LINGO2: variants seen among roughly 807,000 people sequenced by gnomAD.
LINGO2 encodes the protein leucine-rich repeat and immunoglobulin-like domain-containing nogo receptor-interacting protein 2.
In LINGO2, 14 loss-of-function variants were observed where a neutral mutation model predicts 30.6. That is an observed-to-expected ratio of 0.46 (90% CI 0.30 to 0.72). The LOEUF is 0.72. Ranked by LOEUF, LINGO2 falls within the 30% of genes least tolerant of loss-of-function variation. The pLI is 0.07. For synonymous variants in LINGO2, 317 were observed against 288.5 expected (o/e 1.10, Z -1.00); for missense variants, 729 against 751.7 (o/e 0.97, Z 0.35).
chr9:28,797,359 T>TATATATATATATATAGAG, the LINGO2 span, among the ~76,000 whole-genome samples: 12 of 34,210 alleles, frequency 3.5e-4, no homozygotes, highest in Non-Finnish European at 6.0e-4. Context: ...TATATATATA[T>TATATATATATATATAGAG]AGAGAGAGAG....
the LINGO2 span, among the ~76,000 whole-genome samples, chr9:28,814,717 C>G: frequency 2.6e-5 from 4 of 152,152 alleles, no homozygotes; most frequent in Admixed American, 6.5e-5. Flanking sequence ...GAAACCCTGT[C>G]TCTACTAAAA....
the LINGO2 span, among the ~76,000 whole-genome samples, chr9:28,912,975 C>T: frequency 8.6e-5 from 13 of 152,036 alleles, no homozygotes; most frequent in Non-Finnish European, 1.5e-4. Context: ...CTCTCATTTC[C>T]TTCTGGCACA....
the LINGO2 span, among the ~76,000 whole-genome samples, chr9:28,700,689 T>C: frequency 1.2e-4 from 19 of 152,066 alleles, no homozygotes; most frequent in Non-Finnish European, 1.8e-4. Context: ...TGCTGGATTG[T>C]ATGGTAAGAT....
chr9:28,351,486 G>T (rs560485792), intron 3 of LINGO2, among the ~76,000 whole-genome samples: 4 of 151,166 alleles, frequency 2.6e-5, no homozygotes, highest in East Asian at 1.9e-4. Flanking sequence ...AATAACAGGA[G>T]CTGAAATTGT....
At chr9:28,249,984 A>G (rs995773254) in intron 4 of LINGO2, among the ~76,000 whole-genome samples, 3 of 152,166 alleles carry the variant, frequency 2.0e-5, no homozygotes, top group Non-Finnish European at 2.9e-5. Flanking sequence ...GGGTACCACA[A>G]TTATTATCCT....
chr9:28,640,269 C>G (rs1246535385), intron 1 of LINGO2, among the ~76,000 whole-genome samples: 4 of 152,028 alleles, frequency 2.6e-5, no homozygotes, highest in Non-Finnish European at 5.9e-5. Context: ...TCCTTCATTT[C>G]AACTTTGGTG....
the LINGO2 span, among the ~76,000 whole-genome samples, chr9:29,066,285 G>A: frequency 6.6e-5 from 10 of 151,874 alleles, no homozygotes; most frequent in African/African-American, 1.2e-4. Flanking sequence ...GCAGTGATAC[G>A]TCGCAAGAGA....
At chr9:28,556,351 AACAG>A (rs371773360) in intron 1 of LINGO2, among the ~76,000 whole-genome samples, 10,588 of 152,064 alleles carry the variant, frequency 0.07, 562 homozygotes, top group African/African-American at 0.15. Context: ...ATACACCAAC[AACAG>A]ACAAACAGAG....
intron 4 of LINGO2, among the ~76,000 whole-genome samples, chr9:28,018,060 T>C (rs1822929848): frequency 1.3e-5 from 2 of 152,096 alleles, no homozygotes. Flanking sequence ...GCCATATGCC[T>C]ACAATCATCT....
rs755537540 is a variant in LINGO2, at chr9:28,594,687, T to C, written c.-365+75513A>G. The stretch of plus-strand genomic sequence containing the variant: ...GGCTTAAGTTAATGAGTTTCCTAAA[T>C]AGCTTTAGAAGAGAGATCGCAATAT... On this transcript the variant is annotated intron_variant, in intron 1 of 5. Transcript: ENST00000379992. 6.8e-4 allele frequency among the ~76,000 whole-genome samples: 104 copies of C among 152,090 alleles called. 2 individuals are homozygous for C. Among genetic ancestry groups the C allele is most frequent in the Non-Finnish European group, 1.6e-4 (11 of 67,976 alleles).
chr9:28,303,195 A>T (rs1469231230), intron 3 of LINGO2, among the ~76,000 whole-genome samples: 3 of 152,176 alleles, frequency 2.0e-5, no homozygotes, highest in Non-Finnish European at 2.9e-5. Flanking sequence ...GCTTGTGTAT[A>T]TATGTGTGTG....
At chr9:28,391,393 A>C (rs72711455) in intron 2 of LINGO2, among the ~76,000 whole-genome samples, 1 of 152,292 alleles carries the variant, frequency 6.6e-6, no homozygotes, top group Non-Finnish European at 1.5e-5. Context: ...CTTATTACTT[A>C]TAAACTCAGG....
chr9:28,361,266 T>C (rs1820429501), intron 3 of LINGO2, among the ~76,000 whole-genome samples: 1 of 152,216 alleles, frequency 6.6e-6, no homozygotes, highest in African/African-American at 2.4e-5. Flanking sequence ...ATAATTAATA[T>C]TTAATTATTA....
At chr9:28,965,043 T>A in the LINGO2 span, among the ~76,000 whole-genome samples, 1 of 151,936 alleles carries the variant, frequency 6.6e-6, no homozygotes, top group Non-Finnish European at 1.5e-5. Flanking sequence ...ATATTAATTT[T>A]AATAATCCAA....
At chr9:29,071,268 T>C in the LINGO2 span, among the ~76,000 whole-genome samples, 3 of 150,580 alleles carry the variant, frequency 2.0e-5, no homozygotes, top group African/African-American at 4.9e-5. Context: ...CATGGCTCAC[T>C]GCAGCCTCAA....
At chr9:29,056,845 G>A in the LINGO2 span, among the ~76,000 whole-genome samples, 26 of 152,170 alleles carry the variant, frequency 1.7e-4, no homozygotes, top group South Asian at 5.0e-3. Context: ...TGAATAAGGT[G>A]TTTTTTCCTC....
chr9:29,008,897 G>A, the LINGO2 span, among the ~76,000 whole-genome samples: 9 of 152,056 alleles, frequency 5.9e-5, no homozygotes, highest in African/African-American at 9.7e-5. Flanking sequence ...ATCAATAAAC[G>A]TAATCCAGCA....
chr9:28,742,265 T>C, the LINGO2 span, among the ~76,000 whole-genome samples: 1 of 42,128 alleles, frequency 2.4e-5, no homozygotes, highest in African/African-American at 8.0e-5. Flanking sequence ...CATCCTACTC[T>C]GCCTTTTTTT....
chr9:28,628,853 C>G (rs1236705608), intron 1 of LINGO2, among the ~76,000 whole-genome samples: 1 of 152,084 alleles, frequency 6.6e-6, no homozygotes, highest in African/African-American at 2.4e-5. Flanking sequence ...AGTGTGTTAT[C>G]AGCTAATGCC....
Sources: allele counts gnomAD v4.1 joint callset (sites outside exome capture counted in the v4.1 genomes callset), GRCh38; gene constraint gnomAD v4.1.1; transcripts MANE v1.5; gene names NCBI Gene and HGNC (gene_info 2026-07-23, HGNC 2026-07-21).